The following SLIT3 variants were observed in gnomAD, a reference collection of about 807,000 sequenced individuals.
SLIT3 encodes slit homolog 3 protein.
A neutral mutation model predicts 184.0 loss-of-function variants in SLIT3; 68 were observed. That is an observed-to-expected ratio of 0.37 (90% CI 0.30 to 0.45). The LOEUF (loss-of-function observed/expected upper bound fraction) is 0.45. Among genes scored for constraint, SLIT3 ranks in the 20% least tolerant of loss-of-function variants. The probability of loss-of-function intolerance (pLI) is 1.00; values close to 1 mark genes in which losing one functional copy is unlikely to be tolerated. For missense variants in SLIT3, 1,707 were observed against 2,026.0 expected (o/e 0.84, Z 3.02); for synonymous variants, 831 against 828.6 (o/e 1.00, Z -0.05).
At chr5:168,820,898 C>T (rs529430566) in intron 7 of SLIT3, among the ~76,000 whole-genome samples, 2 of 152,262 alleles carry the variant, frequency 1.3e-5, no homozygotes, top group East Asian at 1.9e-4. Context: ...TTAGAAATCC[C>T]ATTTATGGCT....
chr5:169,140,573 G>A (rs1247560688), intron 4 of SLIT3, among the ~76,000 whole-genome samples: 1 of 151,490 alleles, frequency 6.6e-6, no homozygotes, highest in Admixed American at 6.6e-5. Flanking sequence ...GGGAGCCTGA[G>A]GCAGAGGATC....
intron 4 of SLIT3, among the ~76,000 whole-genome samples, chr5:169,009,776 G>A (rs555374043): frequency 1.1e-4 from 17 of 152,304 alleles, no homozygotes; most frequent in African/African-American, 3.6e-4. Flanking sequence ...AATGTAGGGC[G>A]GGAAAGGACT....
chr5:168,816,053 TG>T (rs1757325590), intron 8 of SLIT3, among the ~76,000 whole-genome samples: 1 of 152,236 alleles, frequency 6.6e-6, no homozygotes, highest in African/African-American at 2.4e-5. Flanking sequence ...CTGTTTTTTT[TG>T]TTTGTTTGTT....
At chr5:168,737,164 C>G (rs1174142372) in intron 20 of SLIT3, among the ~76,000 whole-genome samples, 6 of 152,154 alleles carry the variant, frequency 3.9e-5, no homozygotes, top group African/African-American at 1.4e-4. Context: ...GAGCCACTCC[C>G]TTGTGCTTGT....
chr5:168,679,093 C>T (rs1488503125), intron 32 of SLIT3, among the ~76,000 whole-genome samples: 1 of 152,178 alleles, frequency 6.6e-6, no homozygotes, highest in African/African-American at 2.4e-5. Context: ...GGGTCTTGCT[C>T]TCTCACCCAG....
Position 169,182,096 on chromosome 5 carries a change from C to T in SLIT3, c.413+11383G>A, listed in dbSNP as rs943721553. On this transcript the variant is annotated intron_variant, in intron 4 of 35. Transcript: ENST00000519560. Reference sequence around the variant, plus strand: ...CAACCGTGGGGAGAGTTTTTGGCTACGCAACAGGCAGTGCTAATCAAGGGG... The same window carrying T: ...CAACCGTGGGGAGAGTTTTTGGCTATGCAACAGGCAGTGCTAATCAAGGGG... Among the ~76,000 whole-genome samples the T allele has an allele frequency of 5.3e-5, 8 of 152,108 alleles. No individual in the cohort carries two copies. The East Asian group carries it at 7.7e-4, about 15-fold the overall frequency.
chr5:168,967,829 AG>A (rs1179503229), intron 4 of SLIT3, among the ~76,000 whole-genome samples: 1 of 152,068 alleles, frequency 6.6e-6, no homozygotes, highest in East Asian at 1.9e-4. Flanking sequence ...CTTCATCTGC[AG>A]GAAGAATAAA....
At chr5:169,134,275 G>A (rs1364282959) in intron 4 of SLIT3, among the ~76,000 whole-genome samples, 1 of 152,224 alleles carries the variant, frequency 6.6e-6, no homozygotes, top group Non-Finnish European at 1.5e-5. Flanking sequence ...GTCCAATAAG[G>A]TCTAACAGGA....
Position 168,910,509 on chromosome 5 carries a change from C to T in SLIT3, c.414-27173G>A, listed in dbSNP as rs921605469. Among the ~76,000 whole-genome samples the T allele has an allele frequency of 1.8e-4, 28 of 152,082 alleles. 1 individual carries two copies. The highest frequency in any genetic ancestry group is 3.4e-3 in the Middle Eastern group (1 of 294). ...CTGTAATCTCAGCACTTTGGGAGGCCGAGGCGGGTGGATCACAAGGTCAGG... is the reference window on the plus strand; with the variant it reads ...CTGTAATCTCAGCACTTTGGGAGGCTGAGGCGGGTGGATCACAAGGTCAGG... On this transcript the variant is annotated intron_variant, in intron 4 of 35. Transcript: ENST00000519560.
intron 4 of SLIT3, among the ~76,000 whole-genome samples, chr5:168,965,512 T>C (rs1044298347): frequency 6.6e-6 from 1 of 152,248 alleles, no homozygotes; most frequent in Non-Finnish European, 1.5e-5. Context: ...GTGGTTTTCA[T>C]TGCATTTTGA....
At chr5:169,243,237 T>G (rs1012427284) in intron 3 of SLIT3, among the ~76,000 whole-genome samples, 1 of 152,186 alleles carries the variant, frequency 6.6e-6, no homozygotes, top group Admixed American at 6.5e-5. Context: ...TTTTCACTCT[T>G]CTAATCAGAA....
At chr5:168,890,221 T>G (rs12153426) in intron 4 of SLIT3, among the ~76,000 whole-genome samples, 6,835 of 149,648 alleles carry the variant, frequency 0.046, 217 homozygotes, top group Middle Eastern at 0.1. Context: ...GTCTCTAAAC[T>G]CACACTATGG....
chr5:169,042,236 A>G (rs953011749), intron 4 of SLIT3, among the ~76,000 whole-genome samples: 9 of 152,180 alleles, frequency 5.9e-5, no homozygotes, highest in African/African-American at 2.2e-4. Context: ...TAATCACCCT[A>G]CACATTAGAA....
At position 168,844,842 on chromosome 5, in the gene SLIT3, T is replaced by C. The variant is rs1758400822; in HGVS notation, c.486-187A>G. 6 of 554,758 alleles carry C rather than the reference T, an allele frequency of 1.1e-5. No individual in the cohort carries two copies. In the East Asian group the frequency reaches 1.2e-4, roughly 11 times the overall value. The allele number at this position is 554,758 out of a possible 1,614,324, so 34.4% of individuals were successfully genotyped here. A position where few individuals can be genotyped will look rare whatever the true frequency, so the allele number is the denominator to read the frequency against. Reference sequence around the variant, plus strand: ...CTCCTCTCTGACTGTCTGAGAGAACTACACAGACGAGCGCACCAAAAGGCT... The same window carrying C: ...CTCCTCTCTGACTGTCTGAGAGAACCACACAGACGAGCGCACCAAAAGGCT... On this transcript the variant is annotated intron_variant, in intron 5 of 35. Transcript: ENST00000519560.
chr5:168,817,382 G>A lies in SLIT3; in HGVS notation c.711C>T (p.Gly237=), dbSNP rs1312605306. 1 of 1,614,190 alleles carries A rather than the reference G, an allele frequency of 6.2e-7. No individual in the cohort carries two copies. ...CAGGAGCCATGCAGAGTGTGAACTGGCCAACTGTCCGTCGCTGTCGCAGCC... is the reference window on the plus strand; with the variant it reads ...CAGGAGCCATGCAGAGTGTGAACTGACCAACTGTCCGTCGCTGTCGCAGCC... ...SDWLRQRRTV[G]QFTLCMAPVH... Residue 237 remains glycine, a synonymous_variant, in exon 8 of 36, where the codon GGC becomes GGT. Coordinates refer to ENST00000519560, the MANE Select transcript of SLIT3 (RefSeq NM_003062.4).
chr5:168,897,131 GACTACTATGT>G (rs5873131), intron 4 of SLIT3, among the ~76,000 whole-genome samples: 130,932 of 151,820 alleles, frequency 0.86, 58,181 homozygotes, highest in Non-Finnish European at 0.96. Flanking sequence ...TTACTAGGGT[GACTACTATGT>G]ACCCAGGGCG....
At chr5:169,029,068 G>A (rs1352278805) in intron 4 of SLIT3, among the ~76,000 whole-genome samples, 1 of 152,158 alleles carries the variant, frequency 6.6e-6, no homozygotes, top group Non-Finnish European at 1.5e-5. Flanking sequence ...GAGGAGGAAT[G>A]GGTGGGGACT....
At chr5:169,247,029 G>A (rs1765617934) in intron 2 of SLIT3, among the ~76,000 whole-genome samples, 1 of 149,930 alleles carries the variant, frequency 6.7e-6, no homozygotes, top group African/African-American at 2.5e-5. Context: ...AGGAGTTCGA[G>A]ACCAGCCTGA....
At chr5:168,858,356 A>G (rs1353319096) in intron 5 of SLIT3, among the ~76,000 whole-genome samples, 1 of 152,242 alleles carries the variant, frequency 6.6e-6, no homozygotes, top group African/African-American at 2.4e-5. Flanking sequence ...TGTCTCCTTC[A>G]GAAATGATCT....
Sources: gnomAD v4.1 joint callset for allele counts (sites outside exome capture counted in the v4.1 genomes callset) on GRCh38, gnomAD v4.1.1 for gene constraint, MANE v1.5 for transcripts, NCBI Gene and HGNC (gene_info 2026-07-23, HGNC 2026-07-21) for gene names.